Variants in MERTK observed in about 807,000 individuals in gnomAD.
The protein encoded by MERTK is MER proto-oncogene, tyrosine kinase.
Under a neutral mutation model 99.3 loss-of-function variants are expected in MERTK, and 69 were observed. The observed-to-expected ratio is 0.70, with a 90% confidence interval of 0.57 to 0.85. MERTK has a LOEUF of 0.85. Among genes scored for constraint, MERTK ranks in the 40% least tolerant of loss-of-function variants. The pLI is 0.00. For synonymous variants in MERTK, 426 were observed against 467.6 expected (o/e 0.91, Z 1.15); for missense variants, 1,125 against 1,249.4 (o/e 0.90, Z 1.50).
intron 18 of MERTK, chr2:112,026,063 T>C (rs1677454761): frequency 6.5e-6 from 1 of 153,966 alleles, no homozygotes; most frequent in African/African-American, 2.4e-5. Context: ...AACTTATTTT[T>C]CTTTCCATCC....
Position 111,898,643 on chromosome 2 carries a change from G to C in MERTK, c.-93G>C, listed in dbSNP as rs949057038. 2.0e-6 allele frequency: 3 copies of C among 1,469,772 alleles called. No individual in the cohort carries two copies. The highest frequency in any genetic ancestry group is 2.8e-5 in the African/African-American group (2 of 71,118). The allele number at this position is 1,469,772 out of a possible 1,614,324, so 91.0% of individuals were successfully genotyped here. A position where few individuals can be genotyped will look rare whatever the true frequency, so the allele number is the denominator to read the frequency against. On this transcript the variant is annotated 5_prime_UTR_variant, in exon 1 of 19. Coordinates refer to ENST00000295408, the MANE Select transcript of MERTK (RefSeq NM_006343.3). ...ACTGCCCGGGCCGCCCGGACAGGGA[G>C]CTTCGCTGGCGCGCTTGGCCGGCGA... is the stretch of plus-strand genomic sequence containing the variant.
At chr2:111,927,416 T>C (rs918684980) in intron 1 of MERTK, among the ~76,000 whole-genome samples, 6 of 152,224 alleles carry the variant, frequency 3.9e-5, no homozygotes, top group Non-Finnish European at 1.5e-5. Flanking sequence ...TTCCTACTTA[T>C]ATCTCCCATT....
At chr2:111,950,255 C>T (rs1414544507) in intron 4 of MERTK, among the ~76,000 whole-genome samples, 2 of 152,070 alleles carry the variant, frequency 1.3e-5, no homozygotes, top group Non-Finnish European at 2.9e-5. Context: ...TTTTTTATTG[C>T]TGATATAGTA....
chr2:111,946,124 G>C (rs776908202), intron 3 of MERTK, among the ~76,000 whole-genome samples: 4 of 152,100 alleles, frequency 2.6e-5, no homozygotes, highest in Non-Finnish European at 5.9e-5. Flanking sequence ...AGGGGGAAGA[G>C]ACTCCCTCAG....
intron 1 of MERTK, among the ~76,000 whole-genome samples, chr2:111,921,409 A>G (rs547766243): frequency 6.6e-6 from 1 of 151,902 alleles, no homozygotes; most frequent in African/African-American, 2.4e-5. Flanking sequence ...CTGAGGCAGG[A>G]GAATTGCTTG....
At chr2:111,925,831 T>G (rs1684556082) in intron 1 of MERTK, among the ~76,000 whole-genome samples, 1 of 111,292 alleles carries the variant, frequency 9.0e-6, no homozygotes, top group South Asian at 3.1e-4. Flanking sequence ...TATTATTTTT[T>G]TTAATTTTTT....
intron 4 of MERTK, among the ~76,000 whole-genome samples, chr2:111,950,190 C>T (rs1256099967): frequency 6.6e-6 from 1 of 152,202 alleles, no homozygotes; most frequent in Non-Finnish European, 1.5e-5. Context: ...ACCGCCTCCA[C>T]CTCCTAAATT....
At chr2:111,931,427 C>T (rs1044832541) in intron 2 of MERTK, among the ~76,000 whole-genome samples, 1 of 152,152 alleles carries the variant, frequency 6.6e-6, no homozygotes, top group Non-Finnish European at 1.5e-5. Flanking sequence ...ATAAGTAAAA[C>T]TATCATTTAA....
intron 9 of MERTK, chr2:111,994,785 G>GA (rs11287004): frequency 0.026 from 4,789 of 180,956 alleles, no homozygotes; most frequent in South Asian, 0.051. Context: ...CTCAAAAAAA[G>GA]AAAAAAAAAA....
chr2:111,912,540 T>C (rs1400716532), intron 1 of MERTK, among the ~76,000 whole-genome samples: 1 of 151,856 alleles, frequency 6.6e-6, no homozygotes, highest in Non-Finnish European at 1.5e-5. Flanking sequence ...AGTCTAGGAG[T>C]GGAAACACTG....
intron 15 of MERTK, 44 bp from the exon 16 acceptor site, chr2:112,019,369 C>T: frequency 6.7e-7 from 1 of 1,496,932 alleles, no homozygotes. Flanking sequence ...GCAAGTTTTC[C>T]TTTTTAAAAG....
At chr2:111,992,478 C>T (rs1383965991) in intron 8 of MERTK, among the ~76,000 whole-genome samples, 1 of 152,118 alleles carries the variant, frequency 6.6e-6, no homozygotes, top group East Asian at 1.9e-4. Flanking sequence ...AGTGACCAGG[C>T]ATGGTGGGTC....
intron 8 of MERTK, among the ~76,000 whole-genome samples, chr2:111,991,844 A>T (rs941188079): frequency 6.6e-6 from 1 of 152,176 alleles, no homozygotes; most frequent in Non-Finnish European, 1.5e-5. Flanking sequence ...AAGGGACTAA[A>T]ACAACAAGCA....
chr2:111,965,877 C>G (rs1026795870), intron 5 of MERTK, among the ~76,000 whole-genome samples: 5 of 152,206 alleles, frequency 3.3e-5, no homozygotes, highest in African/African-American at 1.2e-4. Flanking sequence ...TAGGATTTCA[C>G]TAGGCTGAGC....
chr2:111,905,053 C>T (rs1684111819), intron 1 of MERTK, among the ~76,000 whole-genome samples: 1 of 152,242 alleles, frequency 6.6e-6, no homozygotes, highest in East Asian at 1.9e-4. Context: ...GCAGAGAATT[C>T]CATTAGGATC....
intron 4 of MERTK, among the ~76,000 whole-genome samples, chr2:111,955,918 T>C (rs1016875939): frequency 7.1e-6 from 1 of 140,444 alleles, no homozygotes; most frequent in African/African-American, 2.7e-5. Context: ...AATTGAACAA[T>C]GAGAACACTT....
At chr2:111,913,800 C>T (rs1366650449) in intron 1 of MERTK, among the ~76,000 whole-genome samples, 2 of 152,198 alleles carry the variant, frequency 1.3e-5, no homozygotes, top group African/African-American at 4.8e-5. Context: ...CCACCCACCT[C>T]AGCCTGCCAA....
intron 1 of MERTK, among the ~76,000 whole-genome samples, chr2:111,924,790 C>T (rs1684523453): frequency 6.6e-6 from 1 of 152,110 alleles, no homozygotes; most frequent in Non-Finnish European, 1.5e-5. Flanking sequence ...GGGCTACTTC[C>T]TGTCTCTTCA....
At chr2:111,903,386 G>A (rs975724118) in intron 1 of MERTK, among the ~76,000 whole-genome samples, 3 of 152,204 alleles carry the variant, frequency 2.0e-5, no homozygotes, top group Admixed American at 6.5e-5. Flanking sequence ...TTCATTGCTG[G>A]AGGAGCTAGT....
Sources: gnomAD v4.1 joint callset for allele counts (sites outside exome capture counted in the v4.1 genomes callset) on GRCh38, gnomAD v4.1.1 for gene constraint, MANE v1.5 for transcripts, NCBI Gene and HGNC (gene_info 2026-07-23, HGNC 2026-07-21) for gene names.